CFAP221: variants seen among roughly 807,000 people sequenced by gnomAD.
The protein encoded by CFAP221 is cilia- and flagella-associated protein 221.
A neutral mutation model predicts 113.1 loss-of-function variants in CFAP221; 97 were observed. The observed-to-expected ratio is 0.86, with a 90% CI of 0.73 to 1.02. The LOEUF is 1.02. Among genes scored for constraint, CFAP221 ranks in the 50% least tolerant of loss-of-function variants. CFAP221 has a pLI of 0.00. For missense variants in CFAP221, 1,025 were observed against 1,013.4 expected (o/e 1.01, Z -0.16); for synonymous variants, 331 against 354.4 (o/e 0.93, Z 0.74).
chr2:119,648,640 AC>A (rs1687951285), intron 22 of CFAP221: 1 of 158,404 alleles, frequency 6.3e-6, no homozygotes, highest in Non-Finnish European at 1.4e-5. Flanking sequence ...CTATTAAACT[AC>A]CTCTGGGGAG....
At chr2:119,567,184 G>A (rs1350766188) in intron 6 of CFAP221, among the ~76,000 whole-genome samples, 1 of 152,208 alleles carries the variant, frequency 6.6e-6, no homozygotes, top group Non-Finnish European at 1.5e-5. Context: ...TGTATAGCCT[G>A]TGGGTCTGGA....
intron 6 of CFAP221, among the ~76,000 whole-genome samples, chr2:119,581,722 A>C (rs1337683151): frequency 6.6e-6 from 1 of 152,194 alleles, no homozygotes; most frequent in Admixed American, 6.5e-5. Flanking sequence ...TCAAATATGA[A>C]TATCTAGCAG....
Position 119,638,363 on chromosome 2 carries a change from G to A in CFAP221, c.2079G>A (p.Glu693=). The change falls in exon 20 of 24, where the codon GAG becomes GAA. Residue 693 remains glutamate, a synonymous_variant. Coordinates refer to ENST00000413369, the MANE Select transcript of CFAP221 (RefSeq NM_001271049.2). The part of the protein sequence containing the change: ...CSHPKYKFTK[E]SRHGSSIPVT... The stretch of plus-strand genomic sequence containing the variant: ...ACCCCAAGTACAAATTCACCAAAGA[G>A]TCCCGCCACGGGTCCAGCATTCCTG... 1 of 1,614,144 alleles carries A rather than the reference G, an allele frequency of 6.2e-7. No homozygotes were observed. The highest frequency in any genetic ancestry group is 8.5e-7 in the Non-Finnish European group (1 of 1,180,012).
At chr2:119,650,149 C>T (rs559691304) in intron 22 of CFAP221, among the ~76,000 whole-genome samples, 8 of 152,276 alleles carry the variant, frequency 5.3e-5, no homozygotes, top group East Asian at 3.9e-4. Flanking sequence ...TTGTTGATTA[C>T]GGTTTCTATT....
chr2:119,628,577 C>T (rs1260055087), intron 16 of CFAP221, among the ~76,000 whole-genome samples: 1 of 152,082 alleles, frequency 6.6e-6, no homozygotes, highest in Non-Finnish European at 1.5e-5. Context: ...AAATGTTGCT[C>T]GAGTTCACAT....
intron 16 of CFAP221, among the ~76,000 whole-genome samples, chr2:119,628,187 G>A (rs1292454425): frequency 3.3e-5 from 5 of 152,116 alleles, no homozygotes; most frequent in African/African-American, 1.2e-4. Context: ...GGGAAGGGCA[G>A]CCCTCAAGTC....
intron 10 of CFAP221, 95 bp downstream of exon 10, chr2:119,605,082 T>G: frequency 1.4e-6 from 2 of 1,458,632 alleles, no homozygotes; most frequent in Non-Finnish European, 1.9e-6. Context: ...AAAATTCAGT[T>G]AGATTGCTGT....
At chr2:119,605,548 AC>A (rs1025940934) in intron 11 of CFAP221, among the ~76,000 whole-genome samples, 6 of 151,908 alleles carry the variant, frequency 3.9e-5, no homozygotes, top group Non-Finnish European at 8.8e-5. Flanking sequence ...TGCTGCTGGC[AC>A]CCCCTCACCC....
At chr2:119,573,226 T>A (rs1306871036) in intron 6 of CFAP221, 1 of 152,218 alleles carries the variant, frequency 6.6e-6, no homozygotes, top group Non-Finnish European at 1.5e-5. Flanking sequence ...CAGCTGTAAC[T>A]GGGTTAAAAT....
chr2:119,568,178 G>A (rs901223576), intron 6 of CFAP221, among the ~76,000 whole-genome samples: 35 of 152,042 alleles, frequency 2.3e-4, no homozygotes, highest in Non-Finnish European at 1.3e-4. Context: ...CTATTTGAAC[G>A]TATAAGATAT....
chr2:119,597,073 C>T (rs1046002271), intron 7 of CFAP221, among the ~76,000 whole-genome samples: 1 of 152,166 alleles, frequency 6.6e-6, no homozygotes, highest in Non-Finnish European at 1.5e-5. Context: ...ATTTTAAAGA[C>T]AATTTAATAC....
intron 14 of CFAP221, among the ~76,000 whole-genome samples, chr2:119,621,292 C>A (rs1324340169): frequency 2.0e-5 from 3 of 150,466 alleles, no homozygotes. Context: ...CGACAAAGAT[C>A]AAAAAAGACA....
chr2:119,578,026 A>G (rs1682575736), intron 6 of CFAP221, among the ~76,000 whole-genome samples: 1 of 152,296 alleles, frequency 6.6e-6, no homozygotes, highest in South Asian at 2.1e-4. Context: ...CACTCTCAAG[A>G]TGGTCCACTC....
At chr2:119,638,518 C>G in intron 20 of CFAP221, 101 bp downstream of exon 20, 1 of 1,431,088 alleles carries the variant, frequency 7.0e-7, no homozygotes, top group Non-Finnish European at 9.7e-7. Flanking sequence ...AAAGGTTTGC[C>G]GCCACAGCTG....
intron 14 of CFAP221, among the ~76,000 whole-genome samples, chr2:119,620,028 A>G (rs531566038): frequency 6.6e-6 from 1 of 152,324 alleles, no homozygotes; most frequent in East Asian, 1.9e-4. Context: ...AAGCGTGAAG[A>G]CAAGATTAGA....
intron 3 of CFAP221, among the ~76,000 whole-genome samples, chr2:119,551,108 G>A (rs867943174): frequency 7.2e-5 from 11 of 152,200 alleles, no homozygotes; most frequent in African/African-American, 2.2e-4. Context: ...TGGCTGAACA[G>A]CATTCCATTG....
chr2:119,556,674 T>G (rs1680828683), intron 3 of CFAP221, among the ~76,000 whole-genome samples: 1 of 151,822 alleles, frequency 6.6e-6, no homozygotes. Context: ...TGCCTCAGCC[T>G]CCCGAGTAGC....
Position 119,656,359 on chromosome 2 carries a change from CAG to C in CFAP221, c.2416_2417del. On this transcript the variant is annotated splice_acceptor_variant, in intron 23 of 23. Transcript: ENST00000413369. LOFTEE classifies it high-confidence loss of function. ...TTTCCTTCTTGGGTTTTTTGATACT[CAG>C]AGAAGTGAAAGATCAAGCACAACCA... 1 of 1,613,234 alleles carries C rather than the reference CAG, an allele frequency of 6.2e-7. No individual in the cohort carries two copies. The highest frequency in any genetic ancestry group is 8.5e-7 in the Non-Finnish European group (1 of 1,179,366).
chr2:119,658,779 G>T (rs1187789597), downstream of CFAP221, among the ~76,000 whole-genome samples: 1 of 152,026 alleles, frequency 6.6e-6, no homozygotes, highest in East Asian at 1.9e-4. Context: ...CTAGGAGTTT[G>T]AGACCAGCCT....
Sources: gnomAD v4.1 joint callset for allele counts (sites outside exome capture counted in the v4.1 genomes callset) on GRCh38, gnomAD v4.1.1 for gene constraint, MANE v1.5 for transcripts, NCBI Gene and HGNC (gene_info 2026-07-23, HGNC 2026-07-21) for gene names.